DSCAML1: variants seen among roughly 807,000 people sequenced by gnomAD.
DSCAML1 encodes the protein cell adhesion molecule DSCAML1.
DSCAML1 carries 38 observed loss-of-function variants against 200.5 expected under a neutral mutation model. The observed-to-expected ratio is 0.19, with a 90% CI of 0.15 to 0.25. The LOEUF is 0.25. Ranked by LOEUF, DSCAML1 falls within the 10% of genes least tolerant of loss-of-function variation. The probability of loss-of-function intolerance (pLI) is 1.00; values close to 1 mark genes in which losing one functional copy is unlikely to be tolerated. For missense variants in DSCAML1, 2,223 were observed against 2,858.8 expected, an observed-to-expected ratio of 0.78 and a Z score of 5.07; for synonymous variants, 1,215 against 1,165.0, an observed-to-expected ratio of 1.04 and a Z score of -0.87.
intron 15 of DSCAML1, 143 bp downstream of exon 15, chr11:117,471,725 TG>T: frequency 1.4e-6 from 1 of 734,008 alleles, no homozygotes; most frequent in Non-Finnish European, 2.0e-6. Context: ...GATCCAGAGG[TG>T]GACACAAACA....
chr11:117,450,080 G>A (rs969586110), intron 20 of DSCAML1, among the ~76,000 whole-genome samples: 1 of 152,192 alleles, frequency 6.6e-6, no homozygotes, highest in Non-Finnish European at 1.5e-5. Flanking sequence ...GCCTTCTCTC[G>A]GCTTTCCCCC....
At chr11:117,733,037 A>T (rs1050407763) in intron 3 of DSCAML1, among the ~76,000 whole-genome samples, 5 of 152,134 alleles carry the variant, frequency 3.3e-5, no homozygotes, top group African/African-American at 1.2e-4. Flanking sequence ...GACTGCAGTG[A>T]TTTATTTTTA....
In DSCAML1 at chr11:117,428,294, CGCGGT is replaced by C. The variant is rs754131747; in HGVS notation, c.*29_*33del. 65 of 1,225,090 alleles carry C rather than the reference CGCGGT, an allele frequency of 5.3e-5. No homozygotes were observed. The highest frequency in any genetic ancestry group is 2.0e-4 in the Admixed American group (10 of 49,760). 75.9% of individuals were successfully genotyped at this position (1,225,090 alleles called of 1,614,324 possible). A position where few individuals can be genotyped will look rare whatever the true frequency, so the allele number is the denominator to read the frequency against. On this transcript the variant is annotated 3_prime_UTR_variant, in exon 33 of 33. Transcript: ENST00000651296. Reference sequence around the variant, plus strand: ...GCTGGCGTGTGGGGCTGCGGCGCGGCGCGGTCCAGGCGTGGCTGCTCTTCCTGCGG... The same window carrying C: ...GCTGGCGTGTGGGGCTGCGGCGCGGCCCAGGCGTGGCTGCTCTTCCTGCGG...
intron 3 of DSCAML1, among the ~76,000 whole-genome samples, chr11:117,764,306 T>G (rs982694297): frequency 1.3e-5 from 2 of 152,232 alleles, no homozygotes; most frequent in Non-Finnish European, 1.5e-5. Flanking sequence ...TGCATGAGTG[T>G]GTGAACACAT....
chr11:117,676,594 T>G (rs900945285), intron 3 of DSCAML1, among the ~76,000 whole-genome samples: 2 of 152,214 alleles, frequency 1.3e-5, no homozygotes, highest in Middle Eastern at 3.4e-3. Context: ...TCCTAACCCC[T>G]CAGAAGCTGT....
At chr11:117,440,206 G>T (rs2048014195) in intron 21 of DSCAML1, among the ~76,000 whole-genome samples, 1 of 152,174 alleles carries the variant, frequency 6.6e-6, no homozygotes, top group Admixed American at 6.5e-5. Flanking sequence ...TCCTCACGTT[G>T]ATCACCATCC....
At chr11:117,621,043 G>A (rs12799401) in intron 3 of DSCAML1, among the ~76,000 whole-genome samples, 2 of 152,074 alleles carry the variant, frequency 1.3e-5, no homozygotes, top group African/African-American at 2.4e-5. Flanking sequence ...TGCAAGAAAT[G>A]TCTTCATTTC....
chr11:117,583,848 A>C (rs1479160634), intron 3 of DSCAML1, among the ~76,000 whole-genome samples: 2 of 152,160 alleles, frequency 1.3e-5, no homozygotes, highest in Non-Finnish European at 2.9e-5. Flanking sequence ...ACCCCATCAG[A>C]CCCTGGTGTG....
At chr11:117,722,074 T>C (rs1007368856) in intron 3 of DSCAML1, among the ~76,000 whole-genome samples, 5 of 152,120 alleles carry the variant, frequency 3.3e-5, no homozygotes, top group African/African-American at 1.2e-4. Flanking sequence ...AAGTGGAGAA[T>C]AGCACAATGG....
At chr11:117,644,692 C>G (rs555811375) in intron 3 of DSCAML1, among the ~76,000 whole-genome samples, 48 of 152,316 alleles carry the variant, frequency 3.2e-4, no homozygotes, top group Admixed American at 7.8e-4. Flanking sequence ...GTGCAGCCTC[C>G]CTCTCAACCT....
rs374196105 is a variant in DSCAML1, at chr11:117,593,711, GTTTT to G, written c.512-61193_512-61190del. Among the ~76,000 whole-genome samples, 536 of 132,320 alleles carry G rather than the reference GTTTT, an allele frequency of 4.1e-3. 8 individuals are homozygous for G. Among genetic ancestry groups the G allele is most frequent in the Non-Finnish European group, 1.7e-3 (108 of 62,106 alleles). The allele number at this position is 132,320 out of a possible 152,430, so 86.8% of individuals were successfully genotyped here. On this transcript the variant is annotated intron_variant, in intron 3 of 32. Coordinates refer to ENST00000651296, the MANE Select transcript of DSCAML1 (RefSeq NM_020693.4). ...TAGTATTGAACTCACTATATTTCTTGTTTTTTTTTTTTTTTTTTGAGATGGAGTC... is the reference window on the plus strand; with the variant it reads ...TAGTATTGAACTCACTATATTTCTTGTTTTTTTTTTTTTTGAGATGGAGTC...
chr11:117,524,648 G>T lies in DSCAML1; in HGVS notation c.937+157C>A, dbSNP rs188495104. On this transcript the variant is annotated intron_variant, in intron 5 of 32. Transcript: ENST00000651296. Reference sequence around the variant, plus strand: ...GGCAGGCCTCCTGATTTCAAGCCAAGGGCTTTTCCAGGATACCAGACTGCC... The same window carrying T: ...GGCAGGCCTCCTGATTTCAAGCCAATGGCTTTTCCAGGATACCAGACTGCC... Among the ~76,000 whole-genome samples the T allele has an allele frequency of 2.6e-5, 4 of 152,366 alleles. No homozygotes were observed. In the East Asian group the frequency reaches 7.7e-4, roughly 29 times the overall value.
At position 117,497,739 on chromosome 11, in the gene DSCAML1, C is replaced by T. The variant is rs932591773; in HGVS notation, c.2359+6106G>A. Among the ~76,000 whole-genome samples the T allele has an allele frequency of 3.3e-5, 5 of 152,362 alleles. No individual in the cohort carries two copies. The East Asian group carries it at 7.7e-4, about 24-fold the overall frequency. On this transcript the variant is annotated intron_variant, in intron 11 of 32. Coordinates refer to ENST00000651296, the MANE Select transcript of DSCAML1 (RefSeq NM_020693.4). The stretch of plus-strand genomic sequence containing the variant: ...TGGGGCCCTTTCTGCCACCTGGAGG[C>T]TGGGCAGGTGAGGCCGACTATGATC...
chr11:117,756,495 C>T lies in DSCAML1; in HGVS notation c.511+20296G>A, dbSNP rs115602903. On this transcript the variant is annotated intron_variant, in intron 3 of 32. Transcript: ENST00000651296. The stretch of plus-strand genomic sequence containing the variant: ...CACGATGAGAATACAAATCTTCCTG[C>T]GAGCTTGCAGACATCCTGGGAAGGA... 1.8e-4 allele frequency among the ~76,000 whole-genome samples: 28 copies of T among 152,254 alleles called. No individual in the cohort carries two copies. In the South Asian group the frequency reaches 3.7e-3, roughly 20 times the overall value.
intron 22 of DSCAML1, 140 bp from the exon 23 acceptor site, chr11:117,439,569 G>T: frequency 8.5e-7 from 1 of 1,178,606 alleles, no homozygotes; most frequent in Non-Finnish European, 1.2e-6. Context: ...GCTTTGCTCA[G>T]CACTCCCTGG....
At chr11:117,435,010 A>G (rs2047883810) in intron 27 of DSCAML1, among the ~76,000 whole-genome samples, 1 of 152,240 alleles carries the variant, frequency 6.6e-6, no homozygotes, top group Non-Finnish European at 1.5e-5. Flanking sequence ...ATAGTCTTGC[A>G]GTATCTATGA....
intron 14 of DSCAML1, among the ~76,000 whole-genome samples, chr11:117,474,447 T>C (rs1381086776): frequency 6.6e-6 from 1 of 152,188 alleles, no homozygotes; most frequent in East Asian, 1.9e-4. Context: ...TGCCATGCAC[T>C]TTCCCCAACC....
intron 1 of DSCAML1, among the ~76,000 whole-genome samples, chr11:117,783,859 T>G (rs1342482653): frequency 6.6e-6 from 1 of 151,914 alleles, no homozygotes; most frequent in Non-Finnish European, 1.5e-5. Context: ...ACATTCCCAC[T>G]CTCCTTCTCT....
chr11:117,446,909 T>C (rs377095091), intron 20 of DSCAML1, among the ~76,000 whole-genome samples: 1 of 152,234 alleles, frequency 6.6e-6, no homozygotes, highest in Non-Finnish European at 1.5e-5. Flanking sequence ...AGACGTAATT[T>C]ATAATGGTGA....
Sources: gnomAD v4.1 joint callset for allele counts (sites outside exome capture counted in the v4.1 genomes callset) on GRCh38, gnomAD v4.1.1 for gene constraint, MANE v1.5 for transcripts, NCBI Gene and HGNC (gene_info 2026-07-23, HGNC 2026-07-21) for gene names.